EPHA6: variants seen among roughly 807,000 people sequenced by gnomAD.
The protein encoded by EPHA6 is ephrin type-A receptor 6.
Under a neutral mutation model 112.0 loss-of-function variants are expected in EPHA6, and 50 were observed. The observed-to-expected ratio is 0.45, with a 90% confidence interval of 0.36 to 0.56. EPHA6 has a LOEUF of 0.56. Ranked by LOEUF, EPHA6 falls within the 20% of genes least tolerant of loss-of-function variation. The pLI, the probability that EPHA6 is intolerant of heterozygous loss-of-function variation, is 0.00. For missense variants in EPHA6, 1,280 were observed against 1,417.4 expected (o/e 0.90, Z 1.56); for synonymous variants, 529 against 490.7 (o/e 1.08, Z -1.03).
chr3:97,001,811 A>G (rs2043675278), intron 3 of EPHA6, among the ~76,000 whole-genome samples: 1 of 152,050 alleles, frequency 6.6e-6, no homozygotes, highest in Admixed American at 6.6e-5. Context: ...AGATGGGAAC[A>G]TTGAGACCGT....
At chr3:97,718,108 T>G (rs1382424998) in intron 14 of EPHA6, among the ~76,000 whole-genome samples, 1 of 152,198 alleles carries the variant, frequency 6.6e-6, no homozygotes, top group Non-Finnish European at 1.5e-5. Context: ...CGGGTCAAAT[T>G]GACAAATTTG....
Position 97,543,366 on chromosome 3 carries a change from G to T in EPHA6, c.2386+10823G>T, listed in dbSNP as rs559980884. Among the ~76,000 whole-genome samples the T allele has an allele frequency of 2.4e-3, 362 of 152,172 alleles. 4 individuals are homozygous for T. Among genetic ancestry groups the T allele is most frequent in the African/African-American group, 7.2e-3 (300 of 41,526 alleles). ...TTAAATAGGGAATCCTTTCCCCATTGCTTGTTTTTCTCAGGTTTGTCAAAG... is the reference window on the plus strand; with the variant it reads ...TTAAATAGGGAATCCTTTCCCCATTTCTTGTTTTTCTCAGGTTTGTCAAAG... On this transcript the variant is annotated intron_variant, in intron 11 of 17. Coordinates refer to ENST00000389672, the MANE Select transcript of EPHA6 (RefSeq NM_001080448.3).
chr3:97,476,306 A>AT (rs1233892863), intron 8 of EPHA6, among the ~76,000 whole-genome samples: 1 of 152,042 alleles, frequency 6.6e-6, no homozygotes. Context: ...ACCTCAACAG[A>AT]TTTTTTATAA....
chr3:97,483,934 T>C lies in EPHA6; in HGVS notation c.2075T>C (p.Leu692Ser), dbSNP rs1384721087. The C allele has an allele frequency of 6.3e-7, 1 of 1,594,890 alleles. No individual in the cohort carries two copies. The change falls in exon 10 of 18, where the codon TTG becomes TCG. Residue 692 changes from leucine (L) to serine (S), a missense_variant and splice_region_variant. Around this residue, in one of 4 missense-constraint regions of EPHA6, gnomAD observed 878 missense variants for 999.7 expected, o/e 0.88. Transcript: ENST00000389672. ...AATCGTTTTGTTATTGTTGTTGCAG[T>C]GCGCTTCCCGGGAATTAAAACTTAC... ...KRRNHLQNGHLRFPGIKTYID... is the reference protein window; with the variant it reads ...KRRNHLQNGHSRFPGIKTYID...
intron 14 of EPHA6, among the ~76,000 whole-genome samples, chr3:97,705,235 C>T (rs967405380): frequency 2.0e-5 from 3 of 152,138 alleles, no homozygotes; most frequent in Admixed American, 6.5e-5. Flanking sequence ...ACATTCTCCT[C>T]TCTACCTGGA....
intron 6 of EPHA6, among the ~76,000 whole-genome samples, chr3:97,412,236 A>G (rs2107129777): frequency 6.6e-6 from 1 of 152,190 alleles, no homozygotes; most frequent in South Asian, 2.1e-4. Context: ...GGTGGTATGG[A>G]GTCATATTGT....
At chr3:97,024,300 C>A (rs1189928959) in intron 3 of EPHA6, among the ~76,000 whole-genome samples, 2 of 151,996 alleles carry the variant, frequency 1.3e-5, no homozygotes. Flanking sequence ...TGATCTCAGT[C>A]ATGGGAAGAG....
intron 3 of EPHA6, among the ~76,000 whole-genome samples, chr3:97,059,942 G>T (rs1576411878): frequency 6.6e-6 from 1 of 151,950 alleles, no homozygotes; most frequent in South Asian, 2.1e-4. Flanking sequence ...CCAATATGGT[G>T]AAACCCCATC....
chr3:97,760,107 TTTTTCAAACACGA>T lies in EPHA6; in HGVS notation c.*11410_*11422del, dbSNP rs1273857610. On this transcript the variant is annotated 3_prime_UTR_variant, in exon 18 of 18. Transcript: ENST00000389672. ...TATATTGCATAATCAACCTGTCACTTTTTTCAAACACGATTTGGGAGGGTATTGAGGTCCCATG... is the reference window on the plus strand; with the variant it reads ...TATATTGCATAATCAACCTGTCACTTTTTGGGAGGGTATTGAGGTCCCATG... The T allele has an allele frequency of 5.5e-6, 1 of 181,818 alleles. No individual in the cohort carries two copies. Among genetic ancestry groups the T allele is most frequent in the East Asian group, 9.0e-5 (1 of 11,116 alleles). The allele number at this position is 181,818 out of a possible 1,614,324, so 11.3% of individuals were successfully genotyped here.
intron 3 of EPHA6, among the ~76,000 whole-genome samples, chr3:97,058,521 T>G (rs1479824792): frequency 6.6e-6 from 1 of 152,086 alleles, no homozygotes; most frequent in Non-Finnish European, 1.5e-5. Flanking sequence ...AGGCTGGTCT[T>G]CAACTCCTGA....
At chr3:97,308,210 C>T (rs778493573) in intron 5 of EPHA6, among the ~76,000 whole-genome samples, 1 of 151,644 alleles carries the variant, frequency 6.6e-6, no homozygotes, top group Non-Finnish European at 1.5e-5. Flanking sequence ...TATTTCTCAT[C>T]TGTATGATTA....
At chr3:97,050,004 A>G (rs2045633271) in intron 3 of EPHA6, among the ~76,000 whole-genome samples, 1 of 152,224 alleles carries the variant, frequency 6.6e-6, no homozygotes, top group African/African-American at 2.4e-5. Context: ...TTCAAAGAAA[A>G]GAGTGTTAAC....
intron 3 of EPHA6, among the ~76,000 whole-genome samples, chr3:97,174,553 A>G (rs1353698559): frequency 6.6e-6 from 1 of 151,792 alleles, no homozygotes; most frequent in Non-Finnish European, 1.5e-5. Flanking sequence ...ATCCTTGCCA[A>G]CATTTGTTAT....
At chr3:97,164,332 A>G (rs965527466) in intron 3 of EPHA6, among the ~76,000 whole-genome samples, 7 of 152,262 alleles carry the variant, frequency 4.6e-5, no homozygotes, top group South Asian at 2.1e-4. Flanking sequence ...ATTTGCCTCC[A>G]CGTAACCACA....
At chr3:96,929,408 G>T (rs78347478) in intron 2 of EPHA6, among the ~76,000 whole-genome samples, 3,243 of 152,272 alleles carry the variant, frequency 0.021, 126 homozygotes, top group African/African-American at 0.074. Context: ...TCCTTCAGGA[G>T]CCCTTGCAAG....
At chr3:97,553,297 G>C (rs1007619527) in intron 11 of EPHA6, among the ~76,000 whole-genome samples, 2 of 152,018 alleles carry the variant, frequency 1.3e-5, no homozygotes, top group Non-Finnish European at 2.9e-5. Flanking sequence ...GCTTTCCTGT[G>C]TTCTTGTTGA....
intron 6 of EPHA6, among the ~76,000 whole-genome samples, chr3:97,409,604 T>G (rs564281387): frequency 3.3e-4 from 50 of 152,170 alleles, no homozygotes; most frequent in African/African-American, 1.2e-3. Context: ...CATTACTCTC[T>G]CATGTCAATT....
chr3:96,961,942 A>G (rs2041960185), intron 2 of EPHA6, among the ~76,000 whole-genome samples: 1 of 152,214 alleles, frequency 6.6e-6, no homozygotes, highest in South Asian at 2.1e-4. Context: ...GGATGACTGC[A>G]GTAAAGGGTG....
intron 5 of EPHA6, among the ~76,000 whole-genome samples, chr3:97,399,889 G>GT (rs375664763): frequency 2.6e-4 from 39 of 151,384 alleles, no homozygotes; most frequent in African/African-American, 9.2e-4. Flanking sequence ...TTTTTCAGGT[G>GT]TTTTTTGACT....
Sources: allele counts gnomAD v4.1 joint callset (sites outside exome capture counted in the v4.1 genomes callset), GRCh38; gene constraint gnomAD v4.1.1; regional missense constraint gnomAD v4.1.1; transcripts MANE v1.5; gene names NCBI Gene and HGNC (gene_info 2026-07-23, HGNC 2026-07-21).